Variants in INO80 observed in about 807,000 individuals in gnomAD.
INO80 encodes chromatin-remodeling ATPase INO80.
Under a neutral mutation model 203.4 loss-of-function variants are expected in INO80, and 20 were observed. The observed-to-expected ratio is 0.10, with a 90% CI of 0.07 to 0.14. INO80 has a LOEUF of 0.14. INO80 is among the 10% of genes least tolerant of loss of function. INO80 has a pLI of 1.00. For synonymous variants in INO80, 726 were observed against 685.2 expected, an observed-to-expected ratio of 1.06 and a Z score of -0.93; for missense variants, 1,419 against 1,914.4, an observed-to-expected ratio of 0.74 and a Z score of 4.83.
At chr15:41,107,661 GT>G (rs1356511706) in intron 1 of INO80, among the ~76,000 whole-genome samples, 2 of 151,916 alleles carry the variant, frequency 1.3e-5, no homozygotes, top group Non-Finnish European at 2.9e-5. Flanking sequence ...TTAGCTGGGT[GT>G]CCTGGTGGGC....
Position 41,079,858 on chromosome 15 carries a change from G to T in INO80, c.974C>A (p.Ala325Asp), listed in dbSNP as rs991271217. Residue 325 changes from alanine (A) to aspartate (D), a missense_variant, in exon 9 of 36, where the codon GCC (alanine) becomes GAC (aspartate). Around this residue, in one of 9 missense-constraint regions of INO80, gnomAD observed 87 missense variants for 150.5 expected, o/e 0.58. Coordinates refer to ENST00000648947, the MANE Select transcript of INO80 (RefSeq NM_017553.3). ...CAAGGTTTCCTTACAGTTCTTCTGGGCCTGCAAGGCAGCTCGACGCACCTC... is the reference window on the plus strand; with the variant it reads ...CAAGGTTTCCTTACAGTTCTTCTGGTCCTGCAAGGCAGCTCGACGCACCTC... Reference protein sequence around the residue: ...MKEVRRAALQAQKNCKETLPR... With the variant: ...MKEVRRAALQDQKNCKETLPR... 1.9e-6 allele frequency: 3 copies of T among 1,614,048 alleles called. No homozygotes were observed. The highest frequency in any genetic ancestry group is 2.5e-6 in the Non-Finnish European group (3 of 1,180,014).
At chr15:40,996,723 T>C (rs973669210) in intron 29 of INO80, among the ~76,000 whole-genome samples, 1 of 152,218 alleles carries the variant, frequency 6.6e-6, no homozygotes, top group African/African-American at 2.4e-5. Context: ...TTTTCTACTT[T>C]ATTTTTGAAA....
rs138393620 is a variant in INO80, at chr15:40,984,146, G to C, written c.4077+51C>G. On this transcript the variant is annotated intron_variant, in intron 33 of 35. Coordinates refer to ENST00000648947, the MANE Select transcript of INO80 (RefSeq NM_017553.3). ...GCCCAGCAGTGTGTCCCTGCTACAC[G>C]GTCAGGACACTCCTTACGGCTGTGA... 1,717 of 1,581,606 alleles carry C rather than the reference G, an allele frequency of 1.1e-3. 20 individuals are homozygous for C. The East Asian group carries it at 0.027, about 25-fold the overall frequency.
intron 32 of INO80, among the ~76,000 whole-genome samples, chr15:40,985,081 TG>T (rs1335010977): frequency 6.6e-6 from 1 of 152,200 alleles, no homozygotes; most frequent in Non-Finnish European, 1.5e-5. Context: ...TTCCACGCTT[TG>T]TAACAGCCCT....
At chr15:41,110,459 A>C (rs955022829) in intron 1 of INO80, among the ~76,000 whole-genome samples, 5 of 151,708 alleles carry the variant, frequency 3.3e-5, no homozygotes, top group Non-Finnish European at 5.9e-5. Context: ...TTTATTTTTT[A>C]GACAGGGTCT....
chr15:40,982,304 GC>G (rs1475791489), intron 35 of INO80, among the ~76,000 whole-genome samples: 10 of 152,088 alleles, frequency 6.6e-5, no homozygotes, highest in Non-Finnish European at 1.2e-4. Context: ...GAGCCACCAC[GC>G]CCATCTAATT....
intron 12 of INO80, 79 bp from the exon 13 acceptor site, chr15:41,070,626 A>T: frequency 8.7e-7 from 1 of 1,144,010 alleles, no homozygotes; most frequent in Non-Finnish European, 1.3e-6. Context: ...AAGAACGACC[A>T]AGATAACAGG....
intron 25 of INO80, among the ~76,000 whole-genome samples, chr15:41,027,079 A>C (rs1447660580): frequency 6.6e-6 from 1 of 152,248 alleles, no homozygotes; most frequent in Non-Finnish European, 1.5e-5. Context: ...TGTGAATGAC[A>C]GTCCAAGTGA....
At chr15:41,072,502 C>T (rs796112189) in intron 11 of INO80, among the ~76,000 whole-genome samples, 16 of 151,664 alleles carry the variant, frequency 1.1e-4, no homozygotes, top group African/African-American at 3.4e-4. Context: ...GGGCGGATCA[C>T]GAGGTCAGGA....
Position 41,116,248 on chromosome 15 carries a change from G to A in INO80, c.-319C>T. On this transcript the variant is annotated 5_prime_UTR_variant, in exon 1 of 36. Coordinates refer to ENST00000648947, the MANE Select transcript of INO80 (RefSeq NM_017553.3). ...CTGAGAGGAGCGGAGCAGGGACACG[G>A]GGAGCCATGGCGGGGGGGAGGAGAG... The A allele has an allele frequency of 2.5e-6, 1 of 400,748 alleles. No individual in the cohort carries two copies. The allele number at this position is 400,748 out of a possible 1,614,324, so 24.8% of individuals were successfully genotyped here. A position where few individuals can be genotyped will look rare whatever the true frequency, so the allele number is the denominator to read the frequency against.
intron 29 of INO80, among the ~76,000 whole-genome samples, chr15:40,988,485 C>T (rs1449407938): frequency 6.6e-6 from 1 of 152,226 alleles, no homozygotes; most frequent in Non-Finnish European, 1.5e-5. Flanking sequence ...ATTCACAAGG[C>T]TGAGGTGGGA....
chr15:41,058,827 C>A, intron 15 of INO80, 46 bp from the exon 16 acceptor site: 1 of 1,574,150 alleles, frequency 6.4e-7, no homozygotes, highest in Non-Finnish European at 8.7e-7. Flanking sequence ...CCTAATAATT[C>A]ATAATAAGGA....
In INO80 at chr15:40,980,282, C is replaced by A; in HGVS notation, c.4612G>T (p.Ala1538Ser). ...PKNLHMTSSLAPDSLVRKQGK... is the reference protein window; with the variant it reads ...PKNLHMTSSLSPDSLVRKQGK... Reference sequence around the variant, plus strand: ...TGTTTCCGGACCAGAGAGTCTGGGGCTAGGCTGCTGGTCATGTGGAGGTTC... The same window carrying A: ...TGTTTCCGGACCAGAGAGTCTGGGGATAGGCTGCTGGTCATGTGGAGGTTC... Residue 1538 changes from alanine to serine, a missense_variant, in exon 36 of 36, where the codon GCC (alanine) becomes TCC (serine). Around this residue, in one of 9 missense-constraint regions of INO80, gnomAD observed 112 missense variants for 106.2 expected, o/e 1.05. Transcript: ENST00000648947. The A allele has an allele frequency of 6.2e-7, 1 of 1,613,678 alleles. No individual in the cohort carries two copies. The highest frequency in any genetic ancestry group is 8.5e-7 in the Non-Finnish European group (1 of 1,180,032).
intron 27 of INO80, among the ~76,000 whole-genome samples, chr15:41,007,779 A>AAC (rs886105514): frequency 6.6e-6 from 1 of 151,030 alleles, no homozygotes; most frequent in Non-Finnish European, 1.5e-5. Context: ...AAAAAAAAAA[A>AAC]CAAGAAAATG....
Position 41,079,762 on chromosome 15 carries a change from T to A in INO80, c.1070A>T (p.His357Leu). Residue 357 changes from histidine to leucine, a missense_variant, in exon 9 of 36, where the codon CAC (histidine) becomes CTC (leucine). Coordinates refer to ENST00000648947, the MANE Select transcript of INO80 (RefSeq NM_017553.3). Reference protein sequence around the residue: ...WKKYEKVEKEHRKRAEKEALE... With the variant: ...WKKYEKVEKELRKRAEKEALE... ...AGCTTCCTTCTCTGCTCTCTTGCGG[T>A]GCTCCTTCTCTACTTTCTCATATTT... 6.2e-7 allele frequency: 1 copy of A among 1,614,188 alleles called. No homozygotes were observed. The highest frequency in any genetic ancestry group is 8.5e-7 in the Non-Finnish European group (1 of 1,180,036).
intron 25 of INO80, among the ~76,000 whole-genome samples, chr15:41,026,965 A>G (rs957470556): frequency 2.0e-5 from 3 of 152,270 alleles, no homozygotes; most frequent in Non-Finnish European, 4.4e-5. Flanking sequence ...GACAACTGCT[A>G]AAGTTGAAAC....
At chr15:41,055,402 A>C in intron 17 of INO80, 38 bp from the exon 18 acceptor site, 1 of 1,361,038 alleles carries the variant, frequency 7.3e-7, no homozygotes, top group Non-Finnish European at 1.0e-6. Context: ...CTATAGAGCA[A>C]TAAAATGACA....
intron 1 of INO80, among the ~76,000 whole-genome samples, chr15:41,115,169 C>T (rs1455634313): frequency 2.0e-5 from 3 of 152,084 alleles, no homozygotes; most frequent in Non-Finnish European, 4.4e-5. Context: ...AATTCCTTCC[C>T]CCATTTCTAA....
chr15:41,010,021 C>T (rs2927061), intron 27 of INO80, among the ~76,000 whole-genome samples: 69,675 of 152,044 alleles, frequency 0.46, 17,767 homozygotes, highest in East Asian at 0.7. Context: ...TGGCCATCTC[C>T]GCTTAATATC....
Sources: gnomAD v4.1 joint callset for allele counts (sites outside exome capture counted in the v4.1 genomes callset) on GRCh38, gnomAD v4.1.1 for gene constraint, gnomAD v4.1.1 regional missense constraint, MANE v1.5 for transcripts, NCBI Gene and HGNC (gene_info 2026-07-23, HGNC 2026-07-21) for gene names.